The following EPHB1 variants were observed in gnomAD, a reference collection of about 807,000 sequenced individuals.
The protein encoded by EPHB1 is ephrin type-B receptor 1.
A neutral mutation model predicts 94.4 loss-of-function variants in EPHB1; 30 were observed. That is an observed-to-expected ratio of 0.32 (90% CI 0.24 to 0.43). The LOEUF is 0.43. Among genes scored for constraint, EPHB1 ranks in the 20% least tolerant of loss-of-function variants. The pLI, the probability that EPHB1 is intolerant of heterozygous loss-of-function variation, is 1.00. For missense variants in EPHB1, 1,055 were observed against 1,308.3 expected (o/e 0.81, Z 2.99); for synonymous variants, 522 against 489.1 (o/e 1.07, Z -0.89).
intron 3 of EPHB1, among the ~76,000 whole-genome samples, chr3:135,049,093 T>G (rs894992293): frequency 2.6e-5 from 4 of 152,190 alleles, no homozygotes; most frequent in Non-Finnish European, 5.9e-5. Flanking sequence ...GCCTTCTGTT[T>G]CCTTCTTCCC....
intron 12 of EPHB1, among the ~76,000 whole-genome samples, chr3:135,234,081 C>T (rs555539081): frequency 2.6e-4 from 39 of 152,274 alleles, no homozygotes; most frequent in East Asian, 1.2e-3. Flanking sequence ...TTTCTACAGC[C>T]GCTTAAATTT....
At chr3:134,963,869 C>T (rs917813257) in intron 3 of EPHB1, among the ~76,000 whole-genome samples, 5 of 152,178 alleles carry the variant, frequency 3.3e-5, no homozygotes, top group African/African-American at 9.7e-5. Flanking sequence ...GGGGACTTCA[C>T]GGATAGTGTT....
At chr3:134,814,492 C>G (rs894385931) in intron 1 of EPHB1, among the ~76,000 whole-genome samples, 15 of 152,000 alleles carry the variant, frequency 9.9e-5, no homozygotes, top group African/African-American at 3.6e-4. Flanking sequence ...TTAGAGTGGG[C>G]TATGGTAACC....
rs1243029809 is a variant in EPHB1 at position 135,053,027 on chromosome 3, G to GTATATATATATATATA, written c.806-53408_806-53393dup. Among the ~76,000 whole-genome samples the GTATATATATATATATA allele has an allele frequency of 4.5e-3, 495 of 110,128 alleles. 3 individuals are homozygous for GTATATATATATATATA. Among genetic ancestry groups the GTATATATATATATATA allele is most frequent in the East Asian group, 8.1e-3 (31 of 3,816 alleles). 72.2% of individuals were successfully genotyped at this position (110,128 alleles called of 152,430 possible). ...TGTGTATATATATGTGTGTGTGTGT[G>GTATATATATATATATA]TATATATATATATATATATATATAT... On this transcript the variant is annotated intron_variant, in intron 3 of 15. Transcript: ENST00000398015.
At chr3:134,970,443 A>T (rs1933924118) in intron 3 of EPHB1, among the ~76,000 whole-genome samples, 1 of 152,172 alleles carries the variant, frequency 6.6e-6, no homozygotes, top group African/African-American at 2.4e-5. Flanking sequence ...CCCAGTGTGA[A>T]TCACCTTCAA....
chr3:135,089,338 C>T (rs1322060765), intron 3 of EPHB1, among the ~76,000 whole-genome samples: 1 of 152,158 alleles, frequency 6.6e-6, no homozygotes, highest in East Asian at 1.9e-4. Flanking sequence ...AATTGTAGCA[C>T]TTGTTTCTTG....
At chr3:134,860,896 C>T (rs1015834913) in intron 1 of EPHB1, among the ~76,000 whole-genome samples, 11 of 151,896 alleles carry the variant, frequency 7.2e-5, no homozygotes, top group Non-Finnish European at 1.3e-4. Context: ...CCTGGCTCAT[C>T]CCCAGATTTA....
At chr3:135,165,045 A>G (rs74974127) in intron 7 of EPHB1, among the ~76,000 whole-genome samples, 2,114 of 152,290 alleles carry the variant, frequency 0.014, 56 homozygotes, top group African/African-American at 0.048. Flanking sequence ...ATTGTAATAG[A>G]ACATAAATAG....
At chr3:135,141,891 A>G (rs1940842904) in intron 5 of EPHB1, among the ~76,000 whole-genome samples, 1 of 152,198 alleles carries the variant, frequency 6.6e-6, no homozygotes, top group Non-Finnish European at 1.5e-5. Context: ...TGGCTTAATA[A>G]GCAGTGTTCC....
chr3:134,918,137 T>A (rs572358637), intron 1 of EPHB1, among the ~76,000 whole-genome samples: 1 of 152,328 alleles, frequency 6.6e-6, no homozygotes, highest in East Asian at 1.9e-4. Flanking sequence ...TAAACTCAGA[T>A]ATATAAAGTG....
chr3:134,907,049 T>C (rs2038347443), intron 1 of EPHB1, among the ~76,000 whole-genome samples: 1 of 152,242 alleles, frequency 6.6e-6, no homozygotes, highest in Non-Finnish European at 1.5e-5. Context: ...TGTTTAGAAA[T>C]AATAATAATT....
intron 3 of EPHB1, among the ~76,000 whole-genome samples, chr3:134,998,860 A>C (rs1935082251): frequency 6.6e-6 from 1 of 152,186 alleles, no homozygotes; most frequent in Admixed American, 6.5e-5. Context: ...AAGGGAGAGA[A>C]AGTAGAGAGA....
At chr3:134,897,398 G>A (rs1035889700) in intron 1 of EPHB1, among the ~76,000 whole-genome samples, 1 of 152,190 alleles carries the variant, frequency 6.6e-6, no homozygotes, top group Admixed American at 6.5e-5. Context: ...TGAAGGAGCG[G>A]CCCTGCAGGG....
chr3:134,887,238 C>T (rs1237193538), intron 1 of EPHB1, among the ~76,000 whole-genome samples: 1 of 152,194 alleles, frequency 6.6e-6, no homozygotes, highest in African/African-American at 2.4e-5. Context: ...GCGTTCTCCT[C>T]ATGTGATCAT....
chr3:134,837,208 C>A (rs1053742053), intron 1 of EPHB1, among the ~76,000 whole-genome samples: 1 of 152,176 alleles, frequency 6.6e-6, no homozygotes, highest in Non-Finnish European at 1.5e-5. Flanking sequence ...ATTTGTAAAT[C>A]TTCTCTTTAA....
chr3:134,800,570 A>AT (rs1185758172), intron 1 of EPHB1, among the ~76,000 whole-genome samples: 2 of 152,156 alleles, frequency 1.3e-5, no homozygotes, highest in Non-Finnish European at 2.9e-5. Context: ...AAAAATCAGC[A>AT]TTTTAAGTGG....
intron 1 of EPHB1, among the ~76,000 whole-genome samples, chr3:134,895,482 A>AT (rs1216146544): frequency 6.6e-6 from 1 of 152,140 alleles, no homozygotes; most frequent in African/African-American, 2.4e-5. Flanking sequence ...TTACCAATGC[A>AT]TTTTTTCCAC....
At chr3:135,088,545 G>T (rs1938442159) in intron 3 of EPHB1, among the ~76,000 whole-genome samples, 1 of 152,176 alleles carries the variant, frequency 6.6e-6, no homozygotes, top group Admixed American at 6.5e-5. Flanking sequence ...GGAAACCCAG[G>T]TGCATTCTAC....
At chr3:135,171,775 G>A (rs1941809736) in intron 9 of EPHB1, among the ~76,000 whole-genome samples, 1 of 152,150 alleles carries the variant, frequency 6.6e-6, no homozygotes, top group Non-Finnish European at 1.5e-5. Context: ...CACCAGTATT[G>A]CACACTTACT....
Sources: allele counts gnomAD v4.1 joint callset (sites outside exome capture counted in the v4.1 genomes callset), GRCh38; gene constraint gnomAD v4.1.1; transcripts MANE v1.5; gene names NCBI Gene and HGNC (gene_info 2026-07-23, HGNC 2026-07-21).